Variants in ANXA4 observed in about 807,000 individuals in gnomAD.
ANXA4 encodes the protein annexin A4, also known as 35-beta calcimedin.
A neutral mutation model predicts 49.8 loss-of-function variants in ANXA4; 39 were observed. The observed-to-expected ratio is 0.78, with a 90% CI of 0.61 to 1.02. The LOEUF (loss-of-function observed/expected upper bound fraction) is 1.02, where lower values mean the gene tolerates loss of function less well. Among genes scored for constraint, ANXA4 ranks in the 50% least tolerant of loss-of-function variants. The pLI is 0.00. For missense variants in ANXA4, 360 were observed against 410.1 expected, an observed-to-expected ratio of 0.88 and a Z score of 1.05; for synonymous variants, 134 against 152.5, an observed-to-expected ratio of 0.88 and a Z score of 0.89.
intron 12 of ANXA4, among the ~76,000 whole-genome samples, chr2:69,824,790 G>A (rs1402880849): frequency 6.6e-6 from 1 of 152,002 alleles, no homozygotes; most frequent in Admixed American, 6.6e-5. Context: ...GCCCTAGCAC[G>A]GTTGCTCACG....
chr2:69,675,288 C>T (rs1036637271), intron 2 of ANXA4, among the ~76,000 whole-genome samples: 5 of 152,128 alleles, frequency 3.3e-5, no homozygotes, highest in African/African-American at 9.7e-5. Context: ...ATAGTAGAAT[C>T]GCAGCATATA....
chr2:69,811,232 A>G (rs949532971), intron 7 of ANXA4: 1 of 153,234 alleles, frequency 6.5e-6, no homozygotes, highest in Non-Finnish European at 1.5e-5. Flanking sequence ...GGTTCAGGGA[A>G]CAACTGGGTG....
At chr2:69,643,839 G>A, upstream of ANXA4, 1 of 1,181,546 alleles carries the variant, frequency 8.5e-7, no homozygotes, top group Non-Finnish European at 1.0e-6. Context: ...GGCGCGGCGA[G>A]GGACCGGGGC....
chr2:69,718,347 T>G (rs1448322537), intron 2 of ANXA4, among the ~76,000 whole-genome samples: 1 of 152,196 alleles, frequency 6.6e-6, no homozygotes, highest in East Asian at 1.9e-4. Context: ...TCTGGATGTT[T>G]GTCATTTCAC....
At chr2:69,772,314 G>C (rs1301351809) in intron 1 of ANXA4, among the ~76,000 whole-genome samples, 2 of 152,224 alleles carry the variant, frequency 1.3e-5, no homozygotes, top group Non-Finnish European at 2.9e-5. Flanking sequence ...ATTGTAGAAA[G>C]GGCTTCAGAG....
chr2:69,728,568 A>C (rs1054031541), intron 3 of ANXA4, among the ~76,000 whole-genome samples: 2 of 152,178 alleles, frequency 1.3e-5, no homozygotes, highest in Non-Finnish European at 2.9e-5. Context: ...ATAGGTATCA[A>C]AATTCATTAT....
chr2:69,788,207 T>G (rs1293169562), intron 3 of ANXA4, 66 bp downstream of exon 3: 6 of 1,437,136 alleles, frequency 4.2e-6, no homozygotes, highest in Non-Finnish European at 5.9e-6. Flanking sequence ...CACAGGAGGG[T>G]GCCATGTCTG....
chr2:69,715,011 A>G (rs1490464977), intron 2 of ANXA4, among the ~76,000 whole-genome samples: 1 of 152,222 alleles, frequency 6.6e-6, no homozygotes, highest in Non-Finnish European at 1.5e-5. Context: ...ATGGGCCAGT[A>G]TCATAAAGCC....
At chr2:69,666,062 G>A (rs1356723424) in intron 2 of ANXA4, among the ~76,000 whole-genome samples, 1 of 152,112 alleles carries the variant, frequency 6.6e-6, no homozygotes, top group African/African-American at 2.4e-5. Flanking sequence ...AAAATAGCGG[G>A]GCGTGGTGGT....
chr2:69,737,131 C>A (rs1258663075), upstream of ANXA4, among the ~76,000 whole-genome samples: 1 of 152,184 alleles, frequency 6.6e-6, no homozygotes, highest in African/African-American at 2.4e-5. Flanking sequence ...GACATTATTC[C>A]ATTGTCTTTC....
chr2:69,656,246 T>C lies in ANXA4; in HGVS notation n.766+2964T>C, dbSNP rs1443432696. 2.4e-5 allele frequency among the ~76,000 whole-genome samples: 3 copies of C among 125,042 alleles called. 1 individual carries two copies. In the East Asian group the frequency reaches 1.1e-3, roughly 44 times the overall value. 82.0% of individuals were successfully genotyped at this position (125,042 alleles called of 152,430 possible). A position where few individuals can be genotyped will look rare whatever the true frequency, so the allele number is the denominator to read the frequency against. On this transcript the variant is annotated intron_variant and non_coding_transcript_variant, in intron 2 of 3. Transcript: ENST00000418066. ...GTATATATGTATATATATACGTATATATATGTATATACGTATATATATGTA... is the reference window on the plus strand; with the variant it reads ...GTATATATGTATATATATACGTATACATATGTATATACGTATATATATGTA...
chr2:69,761,828 GA>G (rs1198898766), intron 1 of ANXA4, among the ~76,000 whole-genome samples: 1 of 146,346 alleles, frequency 6.8e-6, no homozygotes, highest in African/African-American at 2.5e-5. Flanking sequence ...TTTTTAACTA[GA>G]AAATAATTTA....
intron 8 of ANXA4, among the ~76,000 whole-genome samples, chr2:69,813,998 T>C (rs1047972018): frequency 1.3e-5 from 2 of 151,824 alleles, no homozygotes; most frequent in East Asian, 3.9e-4. Context: ...CCTCAAATGA[T>C]CCACCTGCCA....
At chr2:69,785,608 T>C (rs1386840502) in intron 2 of ANXA4, among the ~76,000 whole-genome samples, 1 of 151,878 alleles carries the variant, frequency 6.6e-6, no homozygotes, top group Non-Finnish European at 1.5e-5. Context: ...TAGTGTTTAC[T>C]TTTTTCTGGG....
chr2:69,711,377 G>A (rs1678674169), intron 2 of ANXA4, among the ~76,000 whole-genome samples: 2 of 152,174 alleles, frequency 1.3e-5, no homozygotes, highest in Non-Finnish European at 1.5e-5. Flanking sequence ...AAATGAATAA[G>A]CTACCGATAC....
At chr2:69,765,407 G>A (rs1218030573) in intron 1 of ANXA4, among the ~76,000 whole-genome samples, 1 of 152,124 alleles carries the variant, frequency 6.6e-6, no homozygotes, top group African/African-American at 2.4e-5. Flanking sequence ...CTGTTGTTCT[G>A]TTTTGAATAG....
chr2:69,667,531 A>G (rs1192071636), intron 2 of ANXA4, among the ~76,000 whole-genome samples: 1 of 152,126 alleles, frequency 6.6e-6, no homozygotes, highest in Non-Finnish European at 1.5e-5. Flanking sequence ...AGTCCGATGT[A>G]CAAAATACTC....
intron 11 of ANXA4, among the ~76,000 whole-genome samples, chr2:69,819,938 C>T (rs1315713190): frequency 2.6e-5 from 4 of 151,918 alleles, no homozygotes; most frequent in African/African-American, 9.7e-5. Context: ...TATGGTGGCT[C>T]ATGCCTATAA....
rs143573327 is a variant in ANXA4, at chr2:69,656,610, C to T, written n.766+3328C>T. The stretch of plus-strand genomic sequence containing the variant: ...CTCTATCCCCCAGGATGGAGTTTAG[C>T]GGCCTGATTTCCGCTCACTGCAACC... On this transcript the variant is annotated intron_variant and non_coding_transcript_variant, in intron 2 of 3. Transcript: ENST00000418066. 6.0e-3 allele frequency among the ~76,000 whole-genome samples: 806 copies of T among 134,768 alleles called. 16 individuals are homozygous for T. The highest frequency in any genetic ancestry group is 0.011 in the East Asian group (50 of 4,488). The allele number at this position is 134,768 out of a possible 152,430, so 88.4% of individuals were successfully genotyped here. A position where few individuals can be genotyped will look rare whatever the true frequency, so the allele number is the denominator to read the frequency against.
Sources: allele counts gnomAD v4.1 joint callset (sites outside exome capture counted in the v4.1 genomes callset), GRCh38; gene constraint gnomAD v4.1.1; transcripts MANE v1.5; gene names NCBI Gene and HGNC (gene_info 2026-07-23, HGNC 2026-07-21).